The following PHACTR2 variants were observed in gnomAD, a reference collection of about 807,000 sequenced individuals.
PHACTR2 encodes chromosome 6 open reading frame 56.
A neutral mutation model predicts 76.0 loss-of-function variants in PHACTR2; 30 were observed. The ratio of observed to expected loss-of-function variants is 0.39; its 90% CI spans 0.30 to 0.54. PHACTR2 has a LOEUF of 0.54. PHACTR2 is among the 20% of genes least tolerant of loss of function. PHACTR2 has a pLI of 0.61. For missense variants in PHACTR2, 696 were observed against 781.1 expected (o/e 0.89, Z 1.30); for synonymous variants, 292 against 292.5 (o/e 1.00, Z 0.02).
chr6:143,672,769 G>C lies in PHACTR2; in HGVS notation c.14-39247G>C, dbSNP rs1777177514. ...AGACAGAGTCTCACTCTGTTGCCCA[G>C]GCTGGAATGCAATGGCTCAACCTCA... On this transcript the variant is annotated intron_variant, in intron 1 of 11. Transcript: ENST00000305766. The surrounding 1 kb of genome is among the most constrained non-coding windows in gnomAD (Gnocchi z 5.8). Among the ~76,000 whole-genome samples, 2 of 151,852 alleles carry C rather than the reference G, an allele frequency of 1.3e-5. No homozygotes were observed.
At chr6:143,736,994 C>T (rs544416115) in intron 2 of PHACTR2, among the ~76,000 whole-genome samples, 1 of 152,072 alleles carries the variant, frequency 6.6e-6, no homozygotes, top group South Asian at 2.1e-4. Context: ...CTACCAATAA[C>T]TTGCAGGGTC....
rs746729743 is a variant in PHACTR2 at position 143,652,883 on chromosome 6, A to T, written c.13+44561A>T. On this transcript the variant is annotated intron_variant, in intron 1 of 11. Coordinates refer to the PHACTR2 transcript ENST00000305766. This position sits in a 1 kb window ranked among gnomAD's most constrained non-coding sequence, Gnocchi z 4.5. Reference sequence around the variant, plus strand: ...CTTTGTAGCAGCCACTCTAAGGAGGATGATTCATGGTCCCTGTGCAGGCAC... The same window carrying T: ...CTTTGTAGCAGCCACTCTAAGGAGGTTGATTCATGGTCCCTGTGCAGGCAC... 2.4e-4 allele frequency among the ~76,000 whole-genome samples: 37 copies of T among 152,168 alleles called. No homozygotes were observed. Among genetic ancestry groups the T allele is most frequent in the Middle Eastern group, 3.2e-3 (1 of 316 alleles).
Position 143,578,492 on chromosome 6 carries a change from A to G in PHACTR2, c.217+41285A>G, listed in dbSNP as rs1379691079. Among the ~76,000 whole-genome samples, 1 of 152,184 alleles carries G rather than the reference A, an allele frequency of 6.6e-6. No individual in the cohort carries two copies. Among genetic ancestry groups the G allele is most frequent in the Non-Finnish European group, 1.5e-5 (1 of 68,022 alleles). On this transcript the variant is annotated intron_variant, in intron 1 of 11. Transcript: ENST00000367584. This position sits in a 1 kb window ranked among gnomAD's most constrained non-coding sequence, Gnocchi z 4.5. ...TCAAGAGCATTGACTGTGGGGAAGA[A>G]TGGGGCCGAAATGCAGCCCATACCC...
At position 143,822,028 on chromosome 6, in the gene PHACTR2, G is replaced by T. The variant is rs533199857; in HGVS notation, c.1923-1646G>T. On this transcript the variant is annotated intron_variant, in intron 12 of 12. Coordinates refer to ENST00000440869, the MANE Select transcript of PHACTR2 (RefSeq NM_001100164.2). This position sits in a 1 kb window ranked among gnomAD's most constrained non-coding sequence, Gnocchi z 5.5. ...CCCCCAACCCACCCTGCAAAAAGTA[G>T]GTAGAGGAAAGGGCATTAGCGCAAA... Among the ~76,000 whole-genome samples the T allele has an allele frequency of 2.0e-5, 3 of 152,188 alleles. No homozygotes were observed. The highest frequency in any genetic ancestry group is 7.2e-5 in the African/African-American group (3 of 41,536).
Position 143,662,345 on chromosome 6 carries a change from AAAAGT to A in PHACTR2, c.14-49666_14-49662del, listed in dbSNP as rs1776960591. ...CCCTATTTTAAAATACAAGGAACATAAAAGTAAAGAAGAGATGAAGTTAAGCCTGT... is the reference window on the plus strand; with the variant it reads ...CCCTATTTTAAAATACAAGGAACATAAAAGAAGAGATGAAGTTAAGCCTGT... On this transcript the variant is annotated intron_variant, in intron 1 of 11. Transcript: ENST00000305766. The surrounding 1 kb of genome is among the most constrained non-coding windows in gnomAD (Gnocchi z 4.7). Among the ~76,000 whole-genome samples the A allele has an allele frequency of 6.6e-6, 1 of 152,208 alleles. No individual in the cohort carries two copies. The highest frequency in any genetic ancestry group is 2.1e-4 in the South Asian group (1 of 4,834).
At chr6:143,771,800 C>T (rs1775159315) in intron 6 of PHACTR2, among the ~76,000 whole-genome samples, 1 of 152,136 alleles carries the variant, frequency 6.6e-6, no homozygotes, top group African/African-American at 2.4e-5. Context: ...TGATGCAAAA[C>T]AATGAGTCTC....
At chr6:143,563,080 C>T (rs1775304592) in intron 1 of PHACTR2, among the ~76,000 whole-genome samples, 1 of 152,132 alleles carries the variant, frequency 6.6e-6, no homozygotes. Context: ...CACTAAATTG[C>T]ACACATAAAA....
chr6:143,575,894 AG>A (rs2128432320), intron 1 of PHACTR2, among the ~76,000 whole-genome samples: 1 of 150,298 alleles, frequency 6.7e-6, no homozygotes, highest in South Asian at 2.1e-4. Flanking sequence ...AGAAAAAAAA[AG>A]TCTATGTTCC....
At position 143,827,974 on chromosome 6, in the gene PHACTR2, C is replaced by G. The variant is rs1776581097; in HGVS notation, c.*4285C>G. The stretch of plus-strand genomic sequence containing the variant: ...CCTGGCCAACATGGTGAAACCCTGT[C>G]TCTACTGAAAATACAAAAAAAAAAA... On this transcript the variant is annotated 3_prime_UTR_variant, in exon 13 of 13. Transcript: ENST00000440869. 1 of 151,376 alleles carries G rather than the reference C, an allele frequency of 6.6e-6. No individual in the cohort carries two copies. Among genetic ancestry groups the G allele is most frequent in the East Asian group, 1.9e-4 (1 of 5,144 alleles). 9.4% of individuals were successfully genotyped at this position (151,376 alleles called of 1,614,324 possible). A position where few individuals can be genotyped will look rare whatever the true frequency, so the allele number is the denominator to read the frequency against.
At chr6:143,594,879 T>C (rs1582689038) in intron 1 of PHACTR2, among the ~76,000 whole-genome samples, 1 of 152,174 alleles carries the variant, frequency 6.6e-6, no homozygotes, top group South Asian at 2.1e-4. Context: ...TGCTGTCAGG[T>C]GGGGTGAGTC....
Position 143,611,876 on chromosome 6 carries a change from A to C in PHACTR2, c.13+3554A>C, listed in dbSNP as rs1002059065. On this transcript the variant is annotated intron_variant, in intron 1 of 11. Transcript: ENST00000305766. This position sits in a 1 kb window ranked among gnomAD's most constrained non-coding sequence, Gnocchi z 4.4. ...GGCATGGGGTTGGGGGATGCATTGGATATGCATCAGCAGAGCACGACGAGT... is the reference window on the plus strand; with the variant it reads ...GGCATGGGGTTGGGGGATGCATTGGCTATGCATCAGCAGAGCACGACGAGT... 1.1e-4 allele frequency among the ~76,000 whole-genome samples: 16 copies of C among 152,170 alleles called. No individual in the cohort carries two copies. The highest frequency in any genetic ancestry group is 3.8e-4 in the East Asian group (2 of 5,196).
In PHACTR2 at chr6:143,776,828, G is replaced by A. The variant is rs1157501083; in HGVS notation, c.1590-500G>A. On this transcript the variant is annotated intron_variant, in intron 8 of 12. Transcript: ENST00000440869. This position sits in a 1 kb window ranked among gnomAD's most constrained non-coding sequence, Gnocchi z 5.3. ...GAGCATGGCTCCTTGAAGTCTGCCTGGCAGCCCCATTCCTTCTGTCTTGCT... is the reference window on the plus strand; with the variant it reads ...GAGCATGGCTCCTTGAAGTCTGCCTAGCAGCCCCATTCCTTCTGTCTTGCT... 6.6e-6 allele frequency among the ~76,000 whole-genome samples: 1 copy of A among 152,196 alleles called. No individual in the cohort carries two copies. The highest frequency in any genetic ancestry group is 1.5e-5 in the Non-Finnish European group (1 of 68,034).
At chr6:143,766,269 A>T (rs191687661) in intron 6 of PHACTR2, among the ~76,000 whole-genome samples, 176 of 152,210 alleles carry the variant, frequency 1.2e-3, no homozygotes, top group Middle Eastern at 6.8e-3. Flanking sequence ...TTAAATTCCC[A>T]CCCAGCTTAA....
rs9496697 is a variant in PHACTR2 at position 143,599,565 on chromosome 6, G to A, written c.217+62358G>A. ...GAAGTAACCCAACTTAACAAATGTC[G>A]TATTACTAAAGAAATGCTTATTAAT... On this transcript the variant is annotated intron_variant, in intron 1 of 11. Transcript: ENST00000367584. This position sits in a 1 kb window ranked among gnomAD's most constrained non-coding sequence, Gnocchi z 4.6. 4.5e-4 allele frequency among the ~76,000 whole-genome samples: 69 copies of A among 151,966 alleles called. 1 individual carries two copies. In the East Asian group the frequency reaches 0.011, roughly 24 times the overall value.
intron 1 of PHACTR2, among the ~76,000 whole-genome samples, chr6:143,563,525 C>A (rs1209865681): frequency 7.6e-6 from 1 of 130,806 alleles, no homozygotes; most frequent in Non-Finnish European, 1.6e-5. Flanking sequence ...CACTGCACTC[C>A]AGCCTGGGCG....
In PHACTR2 at chr6:143,683,315, A is replaced by T. The variant is rs748744373; in HGVS notation, c.46+5106A>T. On this transcript the variant is annotated intron_variant, in intron 1 of 12. Coordinates refer to ENST00000440869, the MANE Select transcript of PHACTR2 (RefSeq NM_001100164.2). This position sits in a 1 kb window ranked among gnomAD's most constrained non-coding sequence, Gnocchi z 4.1. The stretch of plus-strand genomic sequence containing the variant: ...TCAATAAGCAGCCTGACTGCTTTAA[A>T]CCAATGATTATATGAATGAGAGGTA... Among the ~76,000 whole-genome samples the T allele has an allele frequency of 6.6e-6, 1 of 152,206 alleles. No individual in the cohort carries two copies.
rs965963008 is a variant in PHACTR2, at chr6:143,653,217, C to T, written c.13+44895C>T. On this transcript the variant is annotated intron_variant, in intron 1 of 11. Transcript: ENST00000305766. The surrounding 1 kb of genome is among the most constrained non-coding windows in gnomAD (Gnocchi z 4.9). ...AGGAAGCAATTTGTGCATCGAGACT[C>T]GAGCTGCTTTGGAGTTTCCCTCTGG... 3.9e-5 allele frequency among the ~76,000 whole-genome samples: 6 copies of T among 152,158 alleles called. No homozygotes were observed. The highest frequency in any genetic ancestry group is 4.2e-4 in the South Asian group (2 of 4,818).
intron 2 of PHACTR2, among the ~76,000 whole-genome samples, chr6:143,724,281 G>A (rs1002583209): frequency 9.2e-5 from 14 of 151,976 alleles, no homozygotes; most frequent in Non-Finnish European, 1.5e-4. Flanking sequence ...ACAGGTTCCC[G>A]CCACCACGCC....
chr6:143,741,421 A>G (rs1778940576), intron 2 of PHACTR2, among the ~76,000 whole-genome samples: 1 of 152,218 alleles, frequency 6.6e-6, no homozygotes, highest in South Asian at 2.1e-4. Flanking sequence ...TGAACCCGGG[A>G]GGCAGAGGTT....
Sources: gnomAD v4.1 joint callset for allele counts (sites outside exome capture counted in the v4.1 genomes callset) on GRCh38, gnomAD v4.1.1 for gene constraint, Gnocchi (gnomAD v3.1) non-coding constraint, MANE v1.5 for transcripts, NCBI Gene and HGNC (gene_info 2026-07-23, HGNC 2026-07-21) for gene names.